Variants in FMN1 observed in about 807,000 individuals in gnomAD.
FMN1 encodes formin 1.
Under a neutral mutation model 132.4 loss-of-function variants are expected in FMN1, and 110 were observed. That is an observed-to-expected ratio of 0.83 (90% confidence interval 0.71 to 0.97). FMN1 has a LOEUF of 0.97. Among genes scored for constraint, FMN1 ranks in the 50% least tolerant of loss-of-function variants. The probability of loss-of-function intolerance (pLI) is 0.00; values close to 1 mark genes in which losing one functional copy is unlikely to be tolerated. For missense variants in FMN1, 1,792 were observed against 1,705.3 expected, an observed-to-expected ratio of 1.05 and a Z score of -0.90; for synonymous variants, 722 against 651.7, an observed-to-expected ratio of 1.11 and a Z score of -1.64.
intron 4 of FMN1, among the ~76,000 whole-genome samples, chr15:33,148,513 T>C (rs756227071): frequency 1.3e-5 from 2 of 152,146 alleles, no homozygotes; most frequent in South Asian, 2.1e-4. Flanking sequence ...TGCTTTCTGG[T>C]TGGTTCAGTT....
chr15:33,074,557 G>A (rs543393871), intron 5 of FMN1, among the ~76,000 whole-genome samples: 1 of 152,352 alleles, frequency 6.6e-6, no homozygotes, highest in Non-Finnish European at 1.5e-5. Context: ...CCACTGGGCA[G>A]TATCAAAGCT....
chr15:33,127,902 C>T (rs1421720005), intron 4 of FMN1, among the ~76,000 whole-genome samples: 1 of 150,712 alleles, frequency 6.6e-6, no homozygotes, highest in Non-Finnish European at 1.5e-5. Context: ...CTTTATTCTA[C>T]AACAAATGGA....
chr15:33,183,751 A>G (rs1164898025), intron 2 of FMN1, among the ~76,000 whole-genome samples: 2 of 152,228 alleles, frequency 1.3e-5, no homozygotes, highest in African/African-American at 4.8e-5. Flanking sequence ...TAACTTTCAA[A>G]ATATTCTCAG....
At chr15:33,067,604 T>C in intron 5 of FMN1, 3 of 1,614,014 alleles carry the variant, frequency 1.9e-6, no homozygotes, top group Non-Finnish European at 2.5e-6. Context: ...AATTTTCTCA[T>C]CATTTCCGAG....
intron 4 of FMN1, among the ~76,000 whole-genome samples, chr15:33,146,595 C>G (rs1964230760): frequency 6.6e-6 from 1 of 152,044 alleles, no homozygotes; most frequent in African/African-American, 2.4e-5. Flanking sequence ...GGAAGAAACT[C>G]CAGAACATGC....
chr15:33,008,889 T>A (rs974491423), intron 6 of FMN1, among the ~76,000 whole-genome samples: 1 of 152,198 alleles, frequency 6.6e-6, no homozygotes, highest in Non-Finnish European at 1.5e-5. Flanking sequence ...CCAATTATTT[T>A]ACAAATGTGT....
rs578155643 is a variant in FMN1, at chr15:32,940,063, T to C, written c.3139-13802A>G. On this transcript the variant is annotated intron_variant, in intron 9 of 20. Coordinates refer to ENST00000616417, the MANE Select transcript of FMN1 (RefSeq NM_001277313.2). ...TTGACAATTTTTCAGTTGTTTGGCC[T>C]AAGGAAGAGGTTCCCAACAATATCA... 2.8e-4 allele frequency among the ~76,000 whole-genome samples: 42 copies of C among 152,304 alleles called. 1 individual carries two copies. Among genetic ancestry groups the C allele is most frequent in the South Asian group, 1.2e-3 (6 of 4,824 alleles).
chr15:32,894,150 G>C (rs151327912), intron 15 of FMN1, among the ~76,000 whole-genome samples: 38 of 152,174 alleles, frequency 2.5e-4, no homozygotes, highest in Non-Finnish European at 4.4e-5. Context: ...ATTATATCCA[G>C]TTCAGCAAGT....
chr15:33,067,052 C>A (rs2141256859), intron 5 of FMN1: 1 of 1,614,004 alleles, frequency 6.2e-7, no homozygotes, highest in South Asian at 1.1e-5. Context: ...ACGAAGCCCA[C>A]TGAAAAAAGC....
chr15:33,113,119 G>A (rs1450045306), intron 4 of FMN1, among the ~76,000 whole-genome samples: 1 of 152,196 alleles, frequency 6.6e-6, no homozygotes, highest in Non-Finnish European at 1.5e-5. Flanking sequence ...TCAATATGCT[G>A]TTTCAAATAT....
intron 12 of FMN1, among the ~76,000 whole-genome samples, chr15:32,905,518 C>T (rs923667878): frequency 1.3e-5 from 2 of 152,150 alleles, no homozygotes; most frequent in East Asian, 3.9e-4. Flanking sequence ...AACCATTACC[C>T]GGCAGCATAA....
At position 32,908,474 on chromosome 15, in the gene FMN1, T is replaced by C. The variant is rs985453176; in HGVS notation, c.3377+16A>G. ...TTCTCCTTTTGGCCTAACAGAAAAA[T>C]GTTAAGTATCCTTACTGCTCAGGTT... is the stretch of plus-strand genomic sequence containing the variant. On this transcript the variant is annotated intron_variant, in intron 12 of 20. Transcript: ENST00000616417. 3.1e-5 allele frequency: 48 copies of C among 1,565,072 alleles called. No homozygotes were observed. Among genetic ancestry groups the C allele is most frequent in the Non-Finnish European group, 4.0e-5 (45 of 1,137,014 alleles).
intron 13 of FMN1, chr15:32,900,368 A>G: frequency 3.1e-6 from 2 of 647,006 alleles, no homozygotes; most frequent in South Asian, 3.3e-5. Context: ...ATACATGAGG[A>G]TTAACTATTG....
chr15:33,172,195 G>A (rs1482144164), intron 3 of FMN1, among the ~76,000 whole-genome samples: 2 of 150,360 alleles, frequency 1.3e-5, no homozygotes, highest in African/African-American at 4.9e-5. Context: ...GTGGCAGAGC[G>A]AGACTCCGTC....
chr15:33,180,744 C>A (rs1056624603), intron 2 of FMN1, among the ~76,000 whole-genome samples: 7 of 108,222 alleles, frequency 6.5e-5, no homozygotes, highest in Non-Finnish European at 1.1e-4. Flanking sequence ...CTCCTGCTGC[C>A]TTTTTTTTTT....
chr15:32,990,426 C>A (rs997403201), intron 7 of FMN1, among the ~76,000 whole-genome samples: 3 of 152,114 alleles, frequency 2.0e-5, no homozygotes, highest in African/African-American at 7.2e-5. Flanking sequence ...AGATAGGAGA[C>A]AAGTAGCACA....
chr15:32,958,428 A>T (rs2030082199), intron 9 of FMN1, among the ~76,000 whole-genome samples: 1 of 152,170 alleles, frequency 6.6e-6, no homozygotes, highest in South Asian at 2.1e-4. Context: ...AAGTCACTTT[A>T]TCTTTCTCGG....
intron 17 of FMN1, among the ~76,000 whole-genome samples, chr15:32,840,871 C>A (rs1445308316): frequency 1.3e-5 from 2 of 152,148 alleles, no homozygotes; most frequent in South Asian, 2.1e-4. Context: ...GTGGGAGAAT[C>A]GTTGTTTAAA....
intron 4 of FMN1, among the ~76,000 whole-genome samples, chr15:33,116,944 T>G (rs1241026543): frequency 1.3e-5 from 1 of 75,476 alleles, no homozygotes; most frequent in African/African-American, 3.9e-5. Flanking sequence ...AAATGCTTAT[T>G]ATTACTATTG....
Sources: allele counts gnomAD v4.1 joint callset (sites outside exome capture counted in the v4.1 genomes callset), GRCh38; gene constraint gnomAD v4.1.1; transcripts MANE v1.5; gene names NCBI Gene and HGNC (gene_info 2026-07-23, HGNC 2026-07-21).